NRG3: variants seen among roughly 807,000 people sequenced by gnomAD.
NRG3 encodes pro-neuregulin-3, membrane-bound isoform.
NRG3 carries 31 observed loss-of-function variants against 66.9 expected under a neutral mutation model. That is an observed-to-expected ratio of 0.46 (90% CI 0.35 to 0.63). The LOEUF is 0.63. NRG3 is among the 20% of genes least tolerant of loss of function. The pLI is 0.00. For missense variants in NRG3, 910 were observed against 878.9 expected (o/e 1.04, Z -0.45); for synonymous variants, 393 against 359.4 (o/e 1.09, Z -1.06).
chr10:82,234,289 G>A (rs1039566877), intron 1 of NRG3, among the ~76,000 whole-genome samples: 2 of 152,168 alleles, frequency 1.3e-5, no homozygotes, highest in Admixed American at 6.5e-5. Flanking sequence ...TAAAGGAAAT[G>A]TAATTAAATA....
intron 3 of NRG3, among the ~76,000 whole-genome samples, chr10:82,792,158 A>AT (rs139835641): frequency 0.022 from 3,346 of 152,036 alleles, 45 homozygotes; most frequent in Middle Eastern, 0.048. Flanking sequence ...AAAAAAGTTG[A>AT]TTTTTTTTAC....
At chr10:82,735,012 A>C (rs2058085981) in intron 2 of NRG3, among the ~76,000 whole-genome samples, 1 of 151,618 alleles carries the variant, frequency 6.6e-6, no homozygotes, top group Non-Finnish European at 1.5e-5. Flanking sequence ...GCCTCAAAAA[A>C]AAAAAGAAAA....
At chr10:82,220,077 A>G (rs1375755579) in intron 1 of NRG3, among the ~76,000 whole-genome samples, 1 of 152,028 alleles carries the variant, frequency 6.6e-6, no homozygotes, top group African/African-American at 2.4e-5. Context: ...ACAACAAAAC[A>G]ACAAATAATG....
intron 2 of NRG3, among the ~76,000 whole-genome samples, chr10:82,735,758 G>A (rs1243146743): frequency 6.6e-6 from 1 of 152,076 alleles, no homozygotes; most frequent in Non-Finnish European, 1.5e-5. Flanking sequence ...CCTGTCAGGG[G>A]GTGGGTGGCT....
At chr10:82,783,462 T>A (rs899390764) in intron 3 of NRG3, among the ~76,000 whole-genome samples, 2 of 151,472 alleles carry the variant, frequency 1.3e-5, no homozygotes, top group African/African-American at 4.9e-5. Flanking sequence ...AAAACCCCAT[T>A]GTCTCAGCCC....
intron 2 of NRG3, among the ~76,000 whole-genome samples, chr10:82,578,077 G>A (rs2046137364): frequency 6.6e-6 from 1 of 151,274 alleles, no homozygotes; most frequent in East Asian, 2.0e-4. Context: ...ACAAACACAT[G>A]TTCATTACAG....
At chr10:82,268,543 CTCTT>C (rs1343610117) in intron 1 of NRG3, among the ~76,000 whole-genome samples, 2 of 152,056 alleles carry the variant, frequency 1.3e-5, no homozygotes, top group African/African-American at 4.8e-5. Flanking sequence ...TAAATCTATC[CTCTT>C]TCTTATATAT....
At chr10:82,330,769 A>T (rs1259405674) in intron 1 of NRG3, among the ~76,000 whole-genome samples, 1 of 152,190 alleles carries the variant, frequency 6.6e-6, no homozygotes, top group African/African-American at 2.4e-5. Context: ...TTAACATCTG[A>T]AATATAATAA....
At chr10:82,128,994 A>G (rs567232932) in intron 1 of NRG3, among the ~76,000 whole-genome samples, 1 of 151,818 alleles carries the variant, frequency 6.6e-6, no homozygotes, top group South Asian at 2.1e-4. Flanking sequence ...GCTCACTGCA[A>G]CCTCGCCTCT....
intron 2 of NRG3, among the ~76,000 whole-genome samples, chr10:82,581,691 T>C (rs1478578319): frequency 6.6e-6 from 1 of 152,028 alleles, no homozygotes; most frequent in Non-Finnish European, 1.5e-5. Context: ...TTTAATGCAA[T>C]AGTACAACAT....
At chr10:82,803,797 C>T (rs2061155490) in intron 3 of NRG3, among the ~76,000 whole-genome samples, 2 of 145,614 alleles carry the variant, frequency 1.4e-5, no homozygotes, top group Admixed American at 6.8e-5. Flanking sequence ...GAGATAATGG[C>T]TACAAAAAAT....
At chr10:82,466,937 A>G (rs1020787381) in intron 2 of NRG3, among the ~76,000 whole-genome samples, 1 of 151,760 alleles carries the variant, frequency 6.6e-6, no homozygotes, top group Admixed American at 6.6e-5. Flanking sequence ...AACAAAACAT[A>G]TTGGCCATAC....
intron 2 of NRG3, among the ~76,000 whole-genome samples, chr10:82,692,105 T>C (rs2054977859): frequency 6.6e-6 from 1 of 151,960 alleles, no homozygotes. Flanking sequence ...TCTACAAAAA[T>C]TAGCCAGGCG....
At chr10:82,635,997 A>G (rs144858958) in intron 2 of NRG3, among the ~76,000 whole-genome samples, 1 of 152,298 alleles carries the variant, frequency 6.6e-6, no homozygotes, top group Non-Finnish European at 1.5e-5. Context: ...GTCCAAGGGA[A>G]TCTTCATGGG....
At chr10:82,454,485 A>G (rs1399893307) in intron 2 of NRG3, among the ~76,000 whole-genome samples, 1 of 152,242 alleles carries the variant, frequency 6.6e-6, no homozygotes, top group Admixed American at 6.5e-5. Context: ...AACTTACAAA[A>G]TAGATCAAGG....
At chr10:82,112,090 A>T (rs1207720372) in intron 1 of NRG3, among the ~76,000 whole-genome samples, 1 of 152,020 alleles carries the variant, frequency 6.6e-6, no homozygotes, top group Non-Finnish European at 1.5e-5. Flanking sequence ...TAAAAAAAAT[A>T]AAAAACAGCT....
At chr10:82,098,035 A>G (rs778229195) in intron 1 of NRG3, among the ~76,000 whole-genome samples, 3 of 142,830 alleles carry the variant, frequency 2.1e-5, no homozygotes, top group Admixed American at 1.5e-4. Flanking sequence ...TGAGCTAACA[A>G]TGTAGTCTGC....
intron 4 of NRG3, among the ~76,000 whole-genome samples, chr10:82,917,487 T>G (rs1450877864): frequency 1.3e-5 from 2 of 152,196 alleles, no homozygotes; most frequent in African/African-American, 2.4e-5. Flanking sequence ...GATGGATGGC[T>G]GATTTCCTAG....
intron 2 of NRG3, among the ~76,000 whole-genome samples, chr10:82,491,164 T>A (rs1843059178): frequency 6.6e-6 from 1 of 151,658 alleles, no homozygotes; most frequent in Admixed American, 6.6e-5. Flanking sequence ...CTTTAATAAC[T>A]ACCTCATCCT....
Sources: allele counts gnomAD v4.1 joint callset (sites outside exome capture counted in the v4.1 genomes callset), GRCh38; gene constraint gnomAD v4.1.1; transcripts MANE v1.5; gene names NCBI Gene and HGNC (gene_info 2026-07-23, HGNC 2026-07-21).